Variants in RP1L1 observed in about 807,000 individuals in gnomAD.
RP1L1 encodes the protein retinitis pigmentosa 1-like 1 protein.
A neutral mutation model predicts 15.7 loss-of-function variants in RP1L1; 27 were observed. That is an observed-to-expected ratio of 1.72 (90% CI 1.27 to 2.38). RP1L1 has a LOEUF of 2.38. Among genes scored for constraint, RP1L1 ranks in the 30% most tolerant of loss-of-function variants. The pLI, the probability that RP1L1 is intolerant of heterozygous loss-of-function variation, is 0.00. For synonymous variants in RP1L1, 1,813 were observed against 1,276.7 expected (o/e 1.42, Z -8.96); for missense variants, 4,798 against 3,075.9 (o/e 1.56, Z -13.24).
At position 10,655,001 on chromosome 8, in the gene RP1L1, G is replaced by C. The variant is rs9969466; in HGVS notation, c.-123C>G. The stretch of plus-strand genomic sequence containing the variant: ...GGGAACACCGCCTCCTTCCCTGCCA[G>C]TGGCTCAGTCCCTCTGGGCAGCAGG... On this transcript the variant is annotated 5_prime_UTR_variant, in exon 1 of 4. Coordinates refer to ENST00000382483, the MANE Select transcript of RP1L1 (RefSeq NM_178857.6). 86,383 of 152,830 alleles carry C rather than the reference G, an allele frequency of 0.57. 26,010 individuals are homozygous for C. The highest frequency in any genetic ancestry group is 0.73 in the African/African-American group (30,464 of 41,544). The allele number at this position is 152,830 out of a possible 1,614,324, so 9.5% of individuals were successfully genotyped here.
intron 2 of RP1L1, 88 bp from the exon 3 acceptor site, chr8:10,616,675 C>A: frequency 7.0e-7 from 1 of 1,425,258 alleles, no homozygotes; most frequent in East Asian, 2.4e-5. Flanking sequence ...CCAGTCTCAC[C>A]AGCCCTGTCC....
Position 10,608,238 on chromosome 8 carries a change from T to C in RP1L1, c.5860A>G (p.Thr1954Ala), listed in dbSNP as rs11783478. The change falls in exon 4 of 4, where the codon ACC becomes GCC. Residue 1954 changes from threonine to alanine, a missense_variant. Physicochemically the swap from Thr to Ala is moderately conservative, Grantham distance 58. Transcript: ENST00000382483. ...EEAAQEAEGQ[T>A]QPESEVIESQ... The stretch of plus-strand genomic sequence containing the variant: ...TCTATAACTTCTGACTCTGGCTGGG[T>C]CTGCCCTTCTGCCTCCTGGGCCGCC... 0.55 allele frequency: 886,032 copies of C among 1,598,158 alleles called. 251,271 individuals are homozygous for C. Among genetic ancestry groups the C allele is most frequent in the East Asian group, 0.95 (42,369 of 44,608 alleles).
chr8:10,626,576 A>G (rs955949816), intron 1 of RP1L1, among the ~76,000 whole-genome samples: 1 of 152,206 alleles, frequency 6.6e-6, no homozygotes, highest in African/African-American at 2.4e-5. Context: ...AGTGGCTCGC[A>G]CTTGCCACAG....
Position 10,623,214 on chromosome 8 carries a change from C to G in RP1L1, c.-13G>C, listed in dbSNP as rs767801606. The G allele has an allele frequency of 2.1e-5, 32 of 1,536,314 alleles. No individual in the cohort carries two copies. The highest frequency in any genetic ancestry group is 2.8e-5 in the Non-Finnish European group (32 of 1,143,806). ...GGGTGCTGTTCATGGTGTGGGGGCT[C>G]TGGCCGCTGTAACAGGGCAGAGGAA... is the stretch of plus-strand genomic sequence containing the variant. On this transcript the variant is annotated 5_prime_UTR_variant, in exon 2 of 4. Coordinates refer to ENST00000382483, the MANE Select transcript of RP1L1 (RefSeq NM_178857.6).
chr8:10,608,289 C>T lies in RP1L1; in HGVS notation c.5809G>A (p.Gly1937Ser). 2 of 1,600,652 alleles carry T rather than the reference C, an allele frequency of 1.2e-6. No individual in the cohort carries two copies. The highest frequency in any genetic ancestry group is 1.7e-5 in the Admixed American group (1 of 58,890). ...TCTTCTGCCTCTTGGGCCTCTGCAC[C>T]TTCTGACTCTGGCTCGTCCTCCCCT... ...TEGEDEPESEGAEAQEAEEAA... is the reference protein window; with the variant it reads ...TEGEDEPESESAEAQEAEEAA... Residue 1937 changes from glycine (G) to serine (S), a missense_variant, in exon 4 of 4, where the codon GGT (glycine) becomes AGT (serine). Gly to Ser is a moderately conservative substitution (Grantham distance 56). Coordinates refer to ENST00000382483, the MANE Select transcript of RP1L1 (RefSeq NM_178857.6).
At chr8:10,652,462 G>A (rs35537947) in intron 1 of RP1L1, among the ~76,000 whole-genome samples, 45,349 of 151,836 alleles carry the variant, frequency 0.3, 6,896 homozygotes, top group Non-Finnish European at 0.34. Flanking sequence ...TGACGAATGC[G>A]ATGTCATCTA....
intron 2 of RP1L1, among the ~76,000 whole-genome samples, chr8:10,620,938 A>G (rs1798048109): frequency 6.6e-6 from 1 of 152,222 alleles, no homozygotes; most frequent in Admixed American, 6.5e-5. Flanking sequence ...CATAAGCATA[A>G]TCAGCTGCGG....
rs1429721156 is a variant in RP1L1, at chr8:10,609,892, T to G, written c.4206A>C (p.Glu1402Asp). 4 of 1,594,254 alleles carry G rather than the reference T, an allele frequency of 2.5e-6. No homozygotes were observed. Among genetic ancestry groups the G allele is most frequent in the Admixed American group, 1.7e-5 (1 of 59,028 alleles). The stretch of plus-strand genomic sequence containing the variant: ...ACAATTCCTGCCCGTGGACGCTTCC[T>G]TCTTCTGGAAGTCCTTCCTCTTTGA... ...EGLKEEGLPE[E>D]GSVHGQELSE... Residue 1402 changes from glutamate to aspartate, a missense_variant, in exon 4 of 4, where the codon GAA becomes GAC. Transcript: ENST00000382483.
At position 10,650,645 on chromosome 8, in the gene RP1L1, C is replaced by T. The variant is rs1010455583; in HGVS notation, c.-20+4253G>A. Among the ~76,000 whole-genome samples the T allele has an allele frequency of 1.3e-4, 20 of 152,060 alleles. 1 individual carries two copies. The highest frequency in any genetic ancestry group is 8.3e-4 in the South Asian group (4 of 4,816). On this transcript the variant is annotated intron_variant, in intron 1 of 3. Transcript: ENST00000382483. ...GATCTCAGCTCACTGCTAACCTCTG[C>T]CACCCAGGGTTCAAGTGATTCTTCT...
chr8:10,610,410 G>T lies in RP1L1; in HGVS notation c.3688C>A (p.Leu1230Met), dbSNP rs1797822902. 1 of 1,613,844 alleles carries T rather than the reference G, an allele frequency of 6.2e-7. No individual in the cohort carries two copies. Among genetic ancestry groups the T allele is most frequent in the African/African-American group, 1.3e-5 (1 of 74,910 alleles). ...CTCTGGTTGGAGGTTTTCAGGGGCA[G>T]CTCTGTCCCCTGTGTCACCAGGGTG... ...DGTLVTQGTE[L>M]PLKTSNQRPD... Residue 1230 changes from leucine to methionine, a missense_variant, in exon 4 of 4, where the codon CTG (leucine) becomes ATG (methionine). By Grantham distance (15) the Leu-to-Met change is conservative. Transcript: ENST00000382483.
At position 10,607,052 on chromosome 8, in the gene RP1L1, G is replaced by A. The variant is rs368864763; in HGVS notation, c.7046C>T (p.Thr2349Ile). Reference sequence around the variant, plus strand: ...CAAAGGGGCCTCTTCTTGCTCAGAAGTAGAACTTTCTGGGTACATCCTGGT... The same window carrying A: ...CAAAGGGGCCTCTTCTTGCTCAGAAATAGAACTTTCTGGGTACATCCTGGT... The part of the protein sequence containing the change: ...KATRMYPESS[T>I]SEQEEAPLGS... Residue 2349 changes from threonine (T) to isoleucine (I), a missense_variant, in exon 4 of 4, where the codon ACT becomes ATT. By Grantham distance (89) the Thr-to-Ile change is moderately conservative (BLOSUM62 -1). Coordinates refer to ENST00000382483, the MANE Select transcript of RP1L1 (RefSeq NM_178857.6). 1.2e-5 allele frequency: 19 copies of A among 1,614,098 alleles called. No individual in the cohort carries two copies. Among genetic ancestry groups the A allele is most frequent in the Non-Finnish European group, 1.6e-5 (19 of 1,180,050 alleles).
In RP1L1 at chr8:10,622,594, T is replaced by G; in HGVS notation, c.608A>C (p.Lys203Thr). 1 of 1,613,942 alleles carries G rather than the reference T, an allele frequency of 6.2e-7. No individual in the cohort carries two copies. The highest frequency in any genetic ancestry group is 8.5e-7 in the Non-Finnish European group (1 of 1,179,910). ...AACCGTCAGACCCCAACAGCCTACC[T>G]TTTTCCCGCTGGTCGTGTACAACTG... ...VKQLYTTSGK[K>T]VDSLQALLHS... The change falls in exon 2 of 4, where the codon AAG (lysine) becomes ACG (threonine). Residue 203 changes from lysine (K) to threonine (T), a missense_variant and splice_region_variant. Physicochemically the swap from Lys to Thr is moderately conservative, Grantham distance 78 (BLOSUM62 -1). Transcript: ENST00000382483.
chr8:10,625,351 C>T (rs1798139583), intron 1 of RP1L1, among the ~76,000 whole-genome samples: 1 of 152,168 alleles, frequency 6.6e-6, no homozygotes, highest in Non-Finnish European at 1.5e-5. Context: ...TACCACTCAC[C>T]TGGGGCGTGA....
At position 10,654,471 on chromosome 8, in the gene RP1L1, C is replaced by T. The variant is rs1008417343; in HGVS notation, c.-20+427G>A. The stretch of plus-strand genomic sequence containing the variant: ...AAATTGGACACCTCCCCAGAATCTG[C>T]TCCCACCCCAGCTGACCTCACCCTG... On this transcript the variant is annotated intron_variant, in intron 1 of 3. Transcript: ENST00000382483. Among the ~76,000 whole-genome samples, 51 of 152,104 alleles carry T rather than the reference C, an allele frequency of 3.4e-4. 1 individual carries two copies. The highest frequency in any genetic ancestry group is 1.5e-5 in the Non-Finnish European group (1 of 68,020).
Position 10,611,457 on chromosome 8 carries a change from C to A in RP1L1, c.2641G>T (p.Ala881Ser). 1 of 1,571,390 alleles carries A rather than the reference C, an allele frequency of 6.4e-7. No individual in the cohort carries two copies. The highest frequency in any genetic ancestry group is 8.6e-7 in the Non-Finnish European group (1 of 1,160,864). The change falls in exon 4 of 4, where the codon GCC (alanine) becomes TCC (serine). Residue 881 changes from alanine (A) to serine (S), a missense_variant. Coordinates refer to ENST00000382483, the MANE Select transcript of RP1L1 (RefSeq NM_178857.6). ...TGCGGGCTCCCACCTGGCCCCCGGG[C>A]AGTGCTTTGGTGGCTGCTGCCGGTG... ...GSTGSSHQST[A>S]RGPGGSPQEG...
chr8:10,608,906 C>T lies in RP1L1; in HGVS notation c.5192G>A (p.Gly1731Glu). The T allele has an allele frequency of 1.2e-6, 2 of 1,614,072 alleles. No individual in the cohort carries two copies. The highest frequency in any genetic ancestry group is 4.5e-5 in the East Asian group (2 of 44,872). The change falls in exon 4 of 4, where the codon GGG becomes GAG. Residue 1731 changes from glycine to glutamate, a missense_variant. Gly to Glu is a moderately conservative substitution (Grantham distance 98). Coordinates refer to ENST00000382483, the MANE Select transcript of RP1L1 (RefSeq NM_178857.6). ...RTVQGAEGGL[G>E]PGLSQGPGVD... ...TCCAGGCCCCTGGCTCAGCCCCGGC[C>T]CCAGCCCTCCCTCAGCTCCCTGGAC...
chr8:10,614,792 GA>G (rs1444338158), intron 3 of RP1L1, among the ~76,000 whole-genome samples: 3 of 151,892 alleles, frequency 2.0e-5, no homozygotes, highest in African/African-American at 7.3e-5. Context: ...GGGGGAGGGG[GA>G]AGGGATAGCA....
At chr8:10,653,405 C>CACTTCGTG (rs1798590810) in intron 1 of RP1L1, among the ~76,000 whole-genome samples, 1 of 151,990 alleles carries the variant, frequency 6.6e-6, no homozygotes, top group African/African-American at 2.4e-5. Context: ...CCACAGTCTA[C>CACTTCGTG]ACTTCGTGAC....
intron 2 of RP1L1, among the ~76,000 whole-genome samples, chr8:10,620,315 A>T (rs992650259): frequency 6.6e-6 from 1 of 152,198 alleles, no homozygotes; most frequent in Non-Finnish European, 1.5e-5. Context: ...CTTAGAAGAC[A>T]CAACAGTGGG....
Sources: gnomAD v4.1 joint callset for allele counts (sites outside exome capture counted in the v4.1 genomes callset) on GRCh38, gnomAD v4.1.1 for gene constraint, MANE v1.5 for transcripts, NCBI Gene and HGNC (gene_info 2026-07-23, HGNC 2026-07-21) for gene names.